Variants in TOP6BL observed in about 807,000 individuals in gnomAD.
TOP6BL encodes type 2 DNA topoisomerase 6 subunit B-like.
chr11:66,807,042 CAGAT>C, the TOP6BL span, among the ~76,000 whole-genome samples: 1 of 151,950 alleles, frequency 6.6e-6, no homozygotes, highest in African/African-American at 2.4e-5. Flanking sequence ...GAAAATTTAA[CAGAT>C]AGATATTAGG....
At chr11:66,836,154 G>T in the TOP6BL span, among the ~76,000 whole-genome samples, 1 of 152,146 alleles carries the variant, frequency 6.6e-6, no homozygotes, top group Non-Finnish European at 1.5e-5. Context: ...TCTTTTCCAT[G>T]TGCTTATTGG....
At chr11:66,830,959 T>C in the TOP6BL span, among the ~76,000 whole-genome samples, 2 of 152,108 alleles carry the variant, frequency 1.3e-5, no homozygotes, top group Non-Finnish European at 2.9e-5. Context: ...GGACAAAATA[T>C]TTGAACACAC....
chr11:66,787,645 A>G, the TOP6BL span, among the ~76,000 whole-genome samples: 1 of 150,626 alleles, frequency 6.6e-6, no homozygotes, highest in Non-Finnish European at 1.5e-5. Context: ...ACTTGAACCC[A>G]GGAGGCGGAT....
At chr11:66,810,077 G>A in the TOP6BL span, among the ~76,000 whole-genome samples, 4 of 152,160 alleles carry the variant, frequency 2.6e-5, no homozygotes, top group Admixed American at 1.3e-4. Flanking sequence ...GACACATTAT[G>A]TATAGAGGAA....
At chr11:66,826,294 C>T in the TOP6BL span, among the ~76,000 whole-genome samples, 17 of 152,102 alleles carry the variant, frequency 1.1e-4, no homozygotes, top group Non-Finnish European at 2.2e-4. Flanking sequence ...ATATAATTTG[C>T]CATTTTCCCC....
At chr11:66,763,182 C>T in the TOP6BL span, among the ~76,000 whole-genome samples, 1 of 152,168 alleles carries the variant, frequency 6.6e-6, no homozygotes, top group African/African-American at 2.4e-5. Flanking sequence ...GCCTGGGTGA[C>T]AGAGTAAGAC....
the TOP6BL span, among the ~76,000 whole-genome samples, chr11:66,750,469 C>G: frequency 6.6e-6 from 1 of 152,006 alleles, no homozygotes; most frequent in African/African-American, 2.4e-5. Context: ...ATCACTTGAA[C>G]CTGGGAGGAC....
At chr11:66,800,654 T>G in the TOP6BL span, 1 of 1,603,920 alleles carries the variant, frequency 6.2e-7, no homozygotes, top group South Asian at 1.1e-5. Context: ...AGATTTCATT[T>G]CAGTGTAAAG....
chr11:66,828,873 A>G, the TOP6BL span: 1 of 152,686 alleles, frequency 6.5e-6, no homozygotes, highest in Admixed American at 6.5e-5. Flanking sequence ...AAAACCAGTT[A>G]AAAGCTATTT....
At chr11:66,800,788 G>T in the TOP6BL span, 1 of 1,216,140 alleles carries the variant, frequency 8.2e-7, no homozygotes, top group South Asian at 1.5e-5. Flanking sequence ...TTCACAGTTT[G>T]ATATCTTGAC....
At chr11:66,748,204 C>A in the TOP6BL span, among the ~76,000 whole-genome samples, 1 of 152,104 alleles carries the variant, frequency 6.6e-6, no homozygotes, top group East Asian at 1.9e-4. Context: ...ACTCTCCTAG[C>A]TATTTATTTT....
the TOP6BL span, chr11:66,748,626 C>T: frequency 1.1e-6 from 1 of 873,030 alleles, no homozygotes; most frequent in Non-Finnish European, 1.6e-6. Context: ...CAGGATTGTT[C>T]CATAATTATA....
chr11:66,793,931 C>A, the TOP6BL span, among the ~76,000 whole-genome samples: 1 of 151,690 alleles, frequency 6.6e-6, no homozygotes, highest in Non-Finnish European at 1.5e-5. Context: ...CATAATGAGA[C>A]CCTGTCTCTA....
chr11:66,841,448 A>T, the TOP6BL span, among the ~76,000 whole-genome samples: 1 of 152,150 alleles, frequency 6.6e-6, no homozygotes, highest in African/African-American at 2.4e-5. Context: ...GCGCTCACAA[A>T]GGCCTATCAC....
the TOP6BL span, among the ~76,000 whole-genome samples, chr11:66,794,754 T>A: frequency 6.6e-6 from 1 of 152,122 alleles, no homozygotes; most frequent in South Asian, 2.1e-4. Flanking sequence ...AAAGAAAGAC[T>A]TACAGTCAAG....
At chr11:66,788,626 G>A in the TOP6BL span, among the ~76,000 whole-genome samples, 1 of 152,190 alleles carries the variant, frequency 6.6e-6, no homozygotes, top group Non-Finnish European at 1.5e-5. Context: ...GGCTGGCTTT[G>A]GTGAGGCCTC....
chr11:66,839,122 T>G, the TOP6BL span: 3 of 456,182 alleles, frequency 6.6e-6, no homozygotes, highest in South Asian at 4.6e-5. Flanking sequence ...TCCATACATG[T>G]CTCCTGCAGT....
the TOP6BL span, chr11:66,744,859 G>C: frequency 2.3e-6 from 3 of 1,312,728 alleles, no homozygotes; most frequent in Non-Finnish European, 2.9e-6. Context: ...GGTACCCTTC[G>C]ACTGGGCGTT....
chr11:66,762,858 T>C, the TOP6BL span, among the ~76,000 whole-genome samples: 1 of 152,180 alleles, frequency 6.6e-6, no homozygotes, highest in Non-Finnish European at 1.5e-5. Context: ...CACAAATATA[T>C]AGGAAACAAT....
Sources: allele counts gnomAD v4.1 joint callset (sites outside exome capture counted in the v4.1 genomes callset), GRCh38; gene constraint gnomAD v4.1.1; transcripts MANE v1.5; gene names NCBI Gene and HGNC (gene_info 2026-07-23, HGNC 2026-07-21).